RORA: variants seen among roughly 807,000 people sequenced by gnomAD.
The protein encoded by RORA is RAR related orphan receptor A, also known as nuclear receptor ROR-alpha.
A neutral mutation model predicts 69.5 loss-of-function variants in RORA; 7 were observed. The observed-to-expected ratio is 0.10, with a 90% CI of 0.06 to 0.19. The LOEUF (loss-of-function observed/expected upper bound fraction) is 0.19. Among genes scored for constraint, RORA ranks in the 10% least tolerant of loss-of-function variants. The pLI, the probability that RORA is intolerant of heterozygous loss-of-function variation, is 1.00. For synonymous variants in RORA, 261 were observed against 240.8 expected (o/e 1.08, Z -0.78); for missense variants, 457 against 663.0 (o/e 0.69, Z 3.41).
chr15:60,978,765 T>C, intron 1 of RORA, among the ~76,000 whole-genome samples: 1 of 152,120 alleles, frequency 6.6e-6, no homozygotes, highest in East Asian at 1.9e-4. Context: ...CTGGCAACAT[T>C]TATTGAGAAA....
intron 1 of RORA, among the ~76,000 whole-genome samples, chr15:61,093,296 C>T (rs1395755113): frequency 1.3e-5 from 2 of 152,188 alleles, no homozygotes; most frequent in Admixed American, 6.5e-5. Flanking sequence ...GCATTAGGTG[C>T]CACAAGAGAC....
chr15:60,789,530 T>C (rs2072386161), intron 1 of RORA, among the ~76,000 whole-genome samples: 1 of 152,242 alleles, frequency 6.6e-6, no homozygotes, highest in Non-Finnish European at 1.5e-5. Flanking sequence ...GCACCGACTA[T>C]CCATACCGTT....
chr15:61,075,104 T>C (rs1222131980), intron 1 of RORA, among the ~76,000 whole-genome samples: 1 of 148,052 alleles, frequency 6.8e-6, no homozygotes, highest in African/African-American at 2.5e-5. Flanking sequence ...AAAAAAAAAG[T>C]TTCCAGAGAG....
chr15:60,747,434 C>G (rs534299895), intron 1 of RORA, among the ~76,000 whole-genome samples: 23 of 152,022 alleles, frequency 1.5e-4, no homozygotes, highest in African/African-American at 5.6e-4. Flanking sequence ...GCAAAGATAT[C>G]GAAACAGATT....
At chr15:60,609,395 G>A (rs2069030485) in intron 2 of RORA, among the ~76,000 whole-genome samples, 1 of 152,126 alleles carries the variant, frequency 6.6e-6, no homozygotes, top group South Asian at 2.1e-4. Flanking sequence ...CAAAAATGTG[G>A]CAGCCTTAGG....
chr15:60,707,790 A>G (rs995047215), intron 1 of RORA, among the ~76,000 whole-genome samples: 1 of 151,944 alleles, frequency 6.6e-6, no homozygotes, highest in Non-Finnish European at 1.5e-5. Flanking sequence ...TGAAGTTCCC[A>G]TTTGTGTCCA....
intron 1 of RORA, among the ~76,000 whole-genome samples, chr15:60,875,721 G>A (rs1325964182): frequency 6.6e-6 from 1 of 152,138 alleles, no homozygotes; most frequent in Non-Finnish European, 1.5e-5. Context: ...GGATACCAGT[G>A]GAAATCACCC....
At chr15:61,015,523 A>G (rs1210157097) in intron 1 of RORA, among the ~76,000 whole-genome samples, 1 of 152,170 alleles carries the variant, frequency 6.6e-6, no homozygotes, top group Non-Finnish European at 1.5e-5. Flanking sequence ...GCAATTTCTA[A>G]TTTTCCAATA....
chr15:60,713,933 T>C (rs1454128007), intron 1 of RORA, among the ~76,000 whole-genome samples: 2 of 152,224 alleles, frequency 1.3e-5, no homozygotes, highest in Non-Finnish European at 2.9e-5. Flanking sequence ...CTTTGCAGGG[T>C]AATAAAGTGA....
Position 61,122,262 on chromosome 15 carries a change from T to C in RORA, c.166+106791A>G, listed in dbSNP as rs75088718. Among the ~76,000 whole-genome samples, 285 of 152,288 alleles carry C rather than the reference T, an allele frequency of 1.9e-3. 7 individuals carry two copies. The East Asian group carries it at 0.052, about 28-fold the overall frequency. On this transcript the variant is annotated intron_variant, in intron 1 of 10. Coordinates refer to ENST00000335670, the MANE Select transcript of RORA (RefSeq NM_134261.3). ...CCGTTCTATTTCTAAAATCTCACAA[T>C]GGATAACAGAGAGGGCTCTCTTCTA...
At chr15:60,653,156 C>G (rs745713973) in intron 2 of RORA, among the ~76,000 whole-genome samples, 5 of 152,142 alleles carry the variant, frequency 3.3e-5, no homozygotes, top group African/African-American at 4.8e-5. Context: ...GGGGAATGAC[C>G]TATGAGCCTG....
intron 1 of RORA, among the ~76,000 whole-genome samples, chr15:60,888,129 C>T (rs567994157): frequency 2.0e-5 from 3 of 152,348 alleles, no homozygotes; most frequent in East Asian, 1.9e-4. Flanking sequence ...CATACATACC[C>T]GGCCACGGAT....
intron 1 of RORA, among the ~76,000 whole-genome samples, chr15:61,149,918 A>G (rs920880468): frequency 4.6e-5 from 7 of 152,228 alleles, no homozygotes; most frequent in African/African-American, 7.2e-5. Flanking sequence ...CTGGGAGTCA[A>G]GAATTACTGG....
intron 1 of RORA, among the ~76,000 whole-genome samples, chr15:61,122,039 A>C (rs1370293722): frequency 6.6e-6 from 1 of 152,170 alleles, no homozygotes; most frequent in Non-Finnish European, 1.5e-5. Context: ...GGGAAATAAG[A>C]ACTGTATGTA....
chr15:60,888,496 A>G (rs114956842), intron 1 of RORA, among the ~76,000 whole-genome samples: 2,318 of 152,308 alleles, frequency 0.015, 71 homozygotes, highest in African/African-American at 0.052. Flanking sequence ...ACACATGCAA[A>G]CACACACATG....
At chr15:61,214,566 G>A (rs879905233) in intron 1 of RORA, among the ~76,000 whole-genome samples, 2 of 152,186 alleles carry the variant, frequency 1.3e-5, no homozygotes, top group African/African-American at 2.4e-5. Context: ...ACCAGATGGT[G>A]GTGTTGGCAA....
At chr15:61,195,799 C>T (rs1053258704) in intron 1 of RORA, 1 of 152,186 alleles carries the variant, frequency 6.6e-6, no homozygotes, top group Admixed American at 6.5e-5. Context: ...TGACATTTCT[C>T]GTATTACTCT....
chr15:60,675,016 T>C (rs558926409), intron 2 of RORA, among the ~76,000 whole-genome samples: 1 of 152,292 alleles, frequency 6.6e-6, no homozygotes, highest in African/African-American at 2.4e-5. Context: ...GGCTGTCTGA[T>C]ATATGTCCTC....
chr15:60,974,985 G>A (rs534059035), intron 1 of RORA, among the ~76,000 whole-genome samples: 1 of 152,248 alleles, frequency 6.6e-6, no homozygotes, highest in Non-Finnish European at 1.5e-5. Context: ...GTGTGGACCT[G>A]AAGAGGTGGG....
Sources: gnomAD v4.1 joint callset for allele counts (sites outside exome capture counted in the v4.1 genomes callset) on GRCh38, gnomAD v4.1.1 for gene constraint, MANE v1.5 for transcripts, NCBI Gene and HGNC (gene_info 2026-07-23, HGNC 2026-07-21) for gene names.